Variants in ANKS1B observed in about 807,000 individuals in gnomAD.
ANKS1B encodes ankyrin repeat and sterile alpha motif domain-containing protein 1B.
Under a neutral mutation model 148.3 loss-of-function variants are expected in ANKS1B, and 36 were observed. That is an observed-to-expected ratio of 0.24 (90% CI 0.19 to 0.32). ANKS1B has a LOEUF of 0.32. Ranked by LOEUF, ANKS1B falls within the 10% of genes least tolerant of loss-of-function variation. ANKS1B has a pLI of 1.00. For synonymous variants in ANKS1B, 542 were observed against 560.8 expected, an observed-to-expected ratio of 0.97 and a Z score of 0.47; for missense variants, 1,157 against 1,542.6, an observed-to-expected ratio of 0.75 and a Z score of 4.19.
At position 99,655,079 on chromosome 12, in the gene ANKS1B, G is replaced by A; in HGVS notation, c.1260C>T (p.Pro420=). Reference sequence around the variant, plus strand: ...AGCAAACTTTTACCTGGGCAAGCATGGGGAAGCCAAGGTTCCTACATCCAT... The same window carrying A: ...AGCAAACTTTTACCTGGGCAAGCATAGGGAAGCCAAGGTTCCTACATCCAT... ...PCNGCRNLGF[P]MLAQESYPKK... The change falls in exon 9 of 27, where the codon CCC becomes CCT. Residue 420 remains proline (P), a synonymous_variant. Coordinates refer to ENST00000683438, the MANE Select transcript of ANKS1B (RefSeq NM_001352186.2). 1 of 1,582,172 alleles carries A rather than the reference G, an allele frequency of 6.3e-7. No homozygotes were observed. The highest frequency in any genetic ancestry group is 8.6e-7 in the Non-Finnish European group (1 of 1,160,682).
rs1167954756 is a variant in ANKS1B, at chr12:99,697,460, T to G, written c.1129-42250A>C. On this transcript the variant is annotated intron_variant, in intron 8 of 26. Transcript: ENST00000683438. ...GACATAAAGAAACCTTAAATTTATA[T>G]TACTAAGTAAAATAATCCAGTCTGA... 2.0e-5 allele frequency among the ~76,000 whole-genome samples: 3 copies of G among 152,256 alleles called. No homozygotes were observed. In the East Asian group the frequency reaches 5.8e-4, roughly 29 times the overall value.
intron 25 of ANKS1B, among the ~76,000 whole-genome samples, chr12:98,765,598 C>A (rs573263170): frequency 9.9e-5 from 15 of 152,226 alleles, no homozygotes; most frequent in African/African-American, 3.4e-4. Context: ...ATCCTGTCAC[C>A]CAGGCTAGAG....
chr12:99,958,935 G>A (rs558211367), intron 1 of ANKS1B, among the ~76,000 whole-genome samples: 1 of 152,266 alleles, frequency 6.6e-6, no homozygotes, highest in South Asian at 2.1e-4. Flanking sequence ...CATTGAGGAG[G>A]AGATGTTCAA....
intron 9 of ANKS1B, among the ~76,000 whole-genome samples, chr12:99,523,708 A>G (rs1039669033): frequency 5.3e-5 from 8 of 151,306 alleles, no homozygotes; most frequent in Non-Finnish European, 1.2e-4. Flanking sequence ...GCCCGCCACC[A>G]CGCCCGGCTA....
chr12:99,141,912 C>T (rs2153798745), intron 15 of ANKS1B, among the ~76,000 whole-genome samples: 1 of 151,910 alleles, frequency 6.6e-6, no homozygotes, highest in African/African-American at 2.4e-5. Context: ...GCAAGTTTTT[C>T]CCATGGAGCA....
At chr12:99,275,293 T>C (rs2077537241) in intron 12 of ANKS1B, among the ~76,000 whole-genome samples, 1 of 152,188 alleles carries the variant, frequency 6.6e-6, no homozygotes, top group Non-Finnish European at 1.5e-5. Flanking sequence ...CTAGATTCTA[T>C]TCATTGCATC....
chr12:99,397,024 C>T (rs182030085), intron 12 of ANKS1B, among the ~76,000 whole-genome samples: 147 of 152,112 alleles, frequency 9.7e-4, no homozygotes, highest in African/African-American at 3.5e-3. Flanking sequence ...CCACATACCA[C>T]TATTTTTTGT....
At chr12:99,656,627 G>C (rs560478546) in intron 8 of ANKS1B, among the ~76,000 whole-genome samples, 13 of 152,052 alleles carry the variant, frequency 8.5e-5, no homozygotes, top group African/African-American at 3.1e-4. Flanking sequence ...TCTAACATCT[G>C]AACAAAAGGA....
chr12:99,380,064 T>G (rs1313061900), intron 12 of ANKS1B, among the ~76,000 whole-genome samples: 4 of 152,222 alleles, frequency 2.6e-5, no homozygotes, highest in African/African-American at 9.6e-5. Context: ...CTTGTTCTCA[T>G]CGGCATTGAT....
intron 9 of ANKS1B, among the ~76,000 whole-genome samples, chr12:99,630,459 AGG>A (rs201927792): frequency 6.6e-6 from 1 of 152,096 alleles, no homozygotes; most frequent in Non-Finnish European, 1.5e-5. Flanking sequence ...AAAAAAAAAG[AGG>A]GGACTCTGGG....
intron 9 of ANKS1B, among the ~76,000 whole-genome samples, chr12:99,557,788 G>A (rs1024635993): frequency 3.3e-5 from 5 of 152,166 alleles, no homozygotes; most frequent in African/African-American, 1.2e-4. Context: ...ATCTAGGCAG[G>A]CTGATGTTCC....
At chr12:99,322,907 G>C (rs752613667) in intron 12 of ANKS1B, among the ~76,000 whole-genome samples, 1 of 151,910 alleles carries the variant, frequency 6.6e-6, no homozygotes, top group African/African-American at 2.4e-5. Flanking sequence ...CTTTTTGCTT[G>C]GTTCTTATTC....
intron 1 of ANKS1B, among the ~76,000 whole-genome samples, chr12:99,908,465 A>T (rs1450809616): frequency 6.6e-6 from 1 of 152,136 alleles, no homozygotes; most frequent in African/African-American, 2.4e-5. Flanking sequence ...CCATTGTCCC[A>T]GCTACTTGAG....
chr12:99,211,038 C>A (rs1334713778), intron 14 of ANKS1B, among the ~76,000 whole-genome samples: 1 of 152,086 alleles, frequency 6.6e-6, no homozygotes, highest in Non-Finnish European at 1.5e-5. Context: ...TTGCACCAAC[C>A]TAATAGAATG....
Position 98,829,495 on chromosome 12 carries a change from C to T in ANKS1B, c.2887-142G>A. 1 of 731,556 alleles carries T rather than the reference C, an allele frequency of 1.4e-6. No individual in the cohort carries two copies. The highest frequency in any genetic ancestry group is 2.3e-6 in the Non-Finnish European group (1 of 443,704). 45.3% of individuals were successfully genotyped at this position (731,556 alleles called of 1,614,324 possible). On this transcript the variant is annotated intron_variant, in intron 18 of 26. Transcript: ENST00000683438. The surrounding 1 kb of genome is among the most constrained non-coding windows in gnomAD (Gnocchi z 5.2). ...AGCCAAGGAATGAATGACATTCCAC[C>T]ACTTTATTAATGGCATGATCTAGTC... is the stretch of plus-strand genomic sequence containing the variant.
chr12:99,319,978 TG>T (rs879709328), intron 12 of ANKS1B, among the ~76,000 whole-genome samples: 9 of 152,232 alleles, frequency 5.9e-5, no homozygotes, highest in Non-Finnish European at 8.8e-5. Flanking sequence ...TATGAAATTC[TG>T]GGTTGAAAGT....
At chr12:99,218,459 C>T (rs778771645) in intron 14 of ANKS1B, among the ~76,000 whole-genome samples, 4 of 152,172 alleles carry the variant, frequency 2.6e-5, no homozygotes, top group Admixed American at 6.5e-5. Context: ...ATCTCTGTTT[C>T]TGTATACAGG....
chr12:99,618,584 G>A (rs2098003393), intron 9 of ANKS1B, among the ~76,000 whole-genome samples: 1 of 152,126 alleles, frequency 6.6e-6, no homozygotes, highest in Non-Finnish European at 1.5e-5. Context: ...TGAAGCCCCA[G>A]TATGTGAGAG....
At chr12:99,767,876 T>C (rs1170999386) in intron 8 of ANKS1B, among the ~76,000 whole-genome samples, 2 of 152,122 alleles carry the variant, frequency 1.3e-5, no homozygotes, top group Non-Finnish European at 2.9e-5. Context: ...TTTTAACTTA[T>C]ATTAGTAAAA....
Sources: allele counts gnomAD v4.1 joint callset (sites outside exome capture counted in the v4.1 genomes callset), GRCh38; gene constraint gnomAD v4.1.1; non-coding constraint Gnocchi (gnomAD v3.1); transcripts MANE v1.5; gene names NCBI Gene and HGNC (gene_info 2026-07-23, HGNC 2026-07-21).